The following LCLAT1 variants were observed in gnomAD, a reference collection of about 807,000 sequenced individuals.
The protein encoded by LCLAT1 is lysocardiolipin acyltransferase 1.
A neutral mutation model predicts 30.7 loss-of-function variants in LCLAT1; 11 were observed. The ratio of observed to expected loss-of-function variants is 0.36; its 90% CI spans 0.23 to 0.59. The LOEUF (loss-of-function observed/expected upper bound fraction) is 0.59, where lower values mean the gene tolerates loss of function less well. LCLAT1 is among the 20% of genes least tolerant of loss of function. LCLAT1 has a pLI of 0.77. For synonymous variants in LCLAT1, 155 were observed against 151.3 expected (o/e 1.02, Z -0.18); for missense variants, 402 against 458.6 (o/e 0.88, Z 1.13).
chr2:30,606,005 C>A, intron 5 of LCLAT1: 1 of 1,294,274 alleles, frequency 7.7e-7, no homozygotes, highest in Non-Finnish European at 1.0e-6. Context: ...ACTCCCCACT[C>A]TGTTGATCAG....
intron 3 of LCLAT1, among the ~76,000 whole-genome samples, chr2:30,542,155 C>G (rs942654442): frequency 1.3e-5 from 2 of 152,092 alleles, no homozygotes; most frequent in Admixed American, 1.3e-4. Flanking sequence ...TTTTTTACCC[C>G]AGACTGTGGT....
intron 5 of LCLAT1, among the ~76,000 whole-genome samples, chr2:30,589,654 C>G (rs1666604603): frequency 6.6e-6 from 1 of 152,140 alleles, no homozygotes; most frequent in African/African-American, 2.4e-5. Context: ...ACTGAATGTA[C>G]TTAGTACATG....
intron 1 of LCLAT1, among the ~76,000 whole-genome samples, chr2:30,517,594 G>A (rs1685242042): frequency 6.6e-6 from 1 of 152,194 alleles, no homozygotes; most frequent in Non-Finnish European, 1.5e-5. Context: ...CAGGATGAAA[G>A]CAAATTGAAT....
intron 5 of LCLAT1, among the ~76,000 whole-genome samples, chr2:30,632,799 G>C (rs148411359): frequency 1.6e-3 from 250 of 152,352 alleles, no homozygotes; most frequent in Non-Finnish European, 3.0e-3. Context: ...CAAAGCCGTA[G>C]AGCTGGTAAA....
chr2:30,481,084 T>G (rs1197399283), intron 1 of LCLAT1, among the ~76,000 whole-genome samples: 1 of 152,026 alleles, frequency 6.6e-6, no homozygotes, highest in East Asian at 1.9e-4. Context: ...TGAAACAAAG[T>G]CTGAGAAGGT....
intron 1 of LCLAT1, among the ~76,000 whole-genome samples, chr2:30,450,608 C>G (rs150029303): frequency 3.3e-5 from 5 of 152,184 alleles, no homozygotes; most frequent in Non-Finnish European, 5.9e-5. Context: ...AGTTTTAAAG[C>G]TGATCTCCAC....
At chr2:30,524,640 A>G (rs1257221234) in intron 1 of LCLAT1, among the ~76,000 whole-genome samples, 1 of 152,208 alleles carries the variant, frequency 6.6e-6, no homozygotes, top group Non-Finnish European at 1.5e-5. Flanking sequence ...CAGTGCATTG[A>G]TACAATATAT....
chr2:30,588,179 T>G lies in LCLAT1; in HGVS notation c.628+20003T>G, dbSNP rs144932601. On this transcript the variant is annotated intron_variant, in intron 5 of 5. Transcript: ENST00000379509. ...CCTAGGGCATGGCTCTGTGTGCTCCTGACGTTTTCAACCCTCCAAGGGCCA... is the reference window on the plus strand; with the variant it reads ...CCTAGGGCATGGCTCTGTGTGCTCCGGACGTTTTCAACCCTCCAAGGGCCA... Among the ~76,000 whole-genome samples the G allele has an allele frequency of 2.3e-3, 357 of 152,372 alleles. 1 individual carries two copies. The highest frequency in any genetic ancestry group is 3.9e-3 in the Non-Finnish European group (264 of 68,038).
intron 3 of LCLAT1, among the ~76,000 whole-genome samples, chr2:30,557,958 A>G (rs771685815): frequency 9.2e-5 from 14 of 152,204 alleles, no homozygotes; most frequent in Non-Finnish European, 2.1e-4. Context: ...GAAAACAAAC[A>G]ATTTTAACCT....
chr2:30,504,219 T>C (rs777254697), intron 1 of LCLAT1, among the ~76,000 whole-genome samples: 29 of 152,042 alleles, frequency 1.9e-4, no homozygotes, highest in Non-Finnish European at 2.9e-4. Context: ...ACATAACATA[T>C]ATTACATGTA....
At chr2:30,628,433 A>G (rs1015021212) in intron 5 of LCLAT1, among the ~76,000 whole-genome samples, 1 of 152,254 alleles carries the variant, frequency 6.6e-6, no homozygotes. Context: ...ATTGAATTAA[A>G]TGCTCTTCAA....
chr2:30,629,044 T>C (rs1668643309), intron 5 of LCLAT1, among the ~76,000 whole-genome samples: 1 of 152,082 alleles, frequency 6.6e-6, no homozygotes, highest in African/African-American at 2.4e-5. Flanking sequence ...ACAAACAACT[T>C]ATAGAAAATG....
intron 3 of LCLAT1, among the ~76,000 whole-genome samples, chr2:30,553,071 A>G (rs374482814): frequency 2.6e-5 from 4 of 152,052 alleles, no homozygotes; most frequent in South Asian, 2.1e-4. Flanking sequence ...ATTTTACCCT[A>G]TTGTTGAGAT....
intron 2 of LCLAT1, among the ~76,000 whole-genome samples, chr2:30,529,484 G>A (rs1028669692): frequency 6.6e-6 from 1 of 152,126 alleles, no homozygotes; most frequent in African/African-American, 2.4e-5. Context: ...GGACCATTCT[G>A]TTCAACATAA....
At chr2:30,486,782 C>G (rs1388541168) in intron 1 of LCLAT1, among the ~76,000 whole-genome samples, 2 of 152,108 alleles carry the variant, frequency 1.3e-5, no homozygotes, top group Admixed American at 6.5e-5. Context: ...GATGTGAAAC[C>G]AGGGAAATGC....
Position 30,643,788 on chromosome 2 carries a change from T to C in LCLAT1, c.*3169T>C, listed in dbSNP as rs1669432918. 1 of 152,690 alleles carries C rather than the reference T, an allele frequency of 6.5e-6. No homozygotes were observed. The highest frequency in any genetic ancestry group is 2.4e-5 in the African/African-American group (1 of 41,466). 9.5% of individuals were successfully genotyped at this position (152,690 alleles called of 1,614,324 possible). ...TTAGTTACAGCTCCCTTTCTGTTTC[T>C]TGTTCCAAGGATTCTGTAGTATGTA... On this transcript the variant is annotated 3_prime_UTR_variant, in exon 6 of 6. Coordinates refer to ENST00000379509, the MANE Select transcript of LCLAT1 (RefSeq NM_001002257.3).
intron 4 of LCLAT1, among the ~76,000 whole-genome samples, chr2:30,564,748 A>G (rs1665398004): frequency 6.6e-6 from 1 of 152,238 alleles, no homozygotes. Flanking sequence ...TTACTACCAT[A>G]CTTAACCTTA....
At chr2:30,600,843 A>G (rs1667147344) in intron 5 of LCLAT1, among the ~76,000 whole-genome samples, 1 of 152,102 alleles carries the variant, frequency 6.6e-6, no homozygotes. Context: ...TTCCTAGGTC[A>G]GGGAAGTTCT....
At chr2:30,600,440 A>G (rs1307304221) in intron 5 of LCLAT1, among the ~76,000 whole-genome samples, 1 of 152,202 alleles carries the variant, frequency 6.6e-6, no homozygotes, top group African/African-American at 2.4e-5. Context: ...ACATCCTAAC[A>G]TCACAACTAA....
Sources: gnomAD v4.1 joint callset for allele counts (sites outside exome capture counted in the v4.1 genomes callset) on GRCh38, gnomAD v4.1.1 for gene constraint, MANE v1.5 for transcripts, NCBI Gene and HGNC (gene_info 2026-07-23, HGNC 2026-07-21) for gene names.